Variants in CHRM3 observed in about 807,000 individuals in gnomAD.
The protein encoded by CHRM3 is muscarinic acetylcholine receptor M3.
A neutral mutation model predicts 41.8 loss-of-function variants in CHRM3; 11 were observed. The observed-to-expected ratio is 0.26, with a 90% CI of 0.17 to 0.44. CHRM3 has a LOEUF of 0.44. CHRM3 is among the 20% of genes least tolerant of loss of function. The pLI is 1.00. For missense variants in CHRM3, 571 were observed against 745.4 expected (o/e 0.77, Z 2.72); for synonymous variants, 297 against 301.4 (o/e 0.99, Z 0.15).
At chr1:239,594,203 C>A (rs1664529787) in intron 3 of CHRM3, among the ~76,000 whole-genome samples, 1 of 152,186 alleles carries the variant, frequency 6.6e-6, no homozygotes, top group African/African-American at 2.4e-5. Context: ...AGTAAGAGAA[C>A]AAAGCTGCAT....
chr1:239,849,468 C>T (rs1331631693), intron 6 of CHRM3, among the ~76,000 whole-genome samples: 1 of 152,138 alleles, frequency 6.6e-6, no homozygotes, highest in East Asian at 1.9e-4. Flanking sequence ...TCTTTGAATA[C>T]TAGAAACATT....
At chr1:239,786,114 A>G (rs550259621) in intron 5 of CHRM3, among the ~76,000 whole-genome samples, 1 of 152,094 alleles carries the variant, frequency 6.6e-6, no homozygotes, top group Non-Finnish European at 1.5e-5. Flanking sequence ...TTTTATTTCT[A>G]TTTCCTCTAC....
chr1:239,774,454 G>T (rs556624198), intron 5 of CHRM3, among the ~76,000 whole-genome samples: 43 of 152,232 alleles, frequency 2.8e-4, no homozygotes, highest in Non-Finnish European at 4.0e-4. Flanking sequence ...GGAAAAGAAA[G>T]ATTTTTATAA....
At chr1:239,541,061 A>G (rs894270769) in intron 2 of CHRM3, among the ~76,000 whole-genome samples, 27 of 152,130 alleles carry the variant, frequency 1.8e-4, no homozygotes, top group African/African-American at 6.3e-4. Flanking sequence ...TTATTTTCTT[A>G]TAATTATAAT....
chr1:239,805,505 A>G (rs1670564165), intron 5 of CHRM3, among the ~76,000 whole-genome samples: 1 of 152,166 alleles, frequency 6.6e-6, no homozygotes, highest in Non-Finnish European at 1.5e-5. Context: ...GGAAGAGGGG[A>G]CAATAGAAGT....
chr1:239,751,396 G>A (rs949912429), intron 5 of CHRM3, among the ~76,000 whole-genome samples: 4 of 152,158 alleles, frequency 2.6e-5, no homozygotes, highest in East Asian at 1.9e-4. Context: ...GGGAAAATAC[G>A]AGCAAAATTT....
chr1:239,776,289 A>G (rs148450366), intron 5 of CHRM3, among the ~76,000 whole-genome samples: 2,341 of 152,338 alleles, frequency 0.015, 20 homozygotes, highest in Non-Finnish European at 0.024. Context: ...TAATACAATA[A>G]GTGCCTTATA....
At chr1:239,573,198 G>T (rs1293571291) in intron 3 of CHRM3, among the ~76,000 whole-genome samples, 1 of 151,904 alleles carries the variant, frequency 6.6e-6, no homozygotes, top group Non-Finnish European at 1.5e-5. Flanking sequence ...TGCAACTTTG[G>T]CTGTCACTTT....
At chr1:239,738,151 T>C (rs1251253514) in intron 5 of CHRM3, among the ~76,000 whole-genome samples, 1 of 152,184 alleles carries the variant, frequency 6.6e-6, no homozygotes, top group African/African-American at 2.4e-5. Flanking sequence ...CTATGGCAGG[T>C]TTGCAGTGAA....
At chr1:239,452,348 A>T (rs767594562) in intron 1 of CHRM3, among the ~76,000 whole-genome samples, 4 of 152,206 alleles carry the variant, frequency 2.6e-5, no homozygotes, top group Non-Finnish European at 5.9e-5. Flanking sequence ...TACAGCAATA[A>T]GTGGCTGGTG....
chr1:239,643,431 C>T (rs1000014114), intron 4 of CHRM3, among the ~76,000 whole-genome samples: 2 of 152,198 alleles, frequency 1.3e-5, no homozygotes, highest in Non-Finnish European at 2.9e-5. Flanking sequence ...CCAGTTCGAG[C>T]TTCCCAGCTG....
intron 5 of CHRM3, among the ~76,000 whole-genome samples, chr1:239,759,151 T>C (rs1666485751): frequency 6.7e-6 from 1 of 149,948 alleles, no homozygotes; most frequent in South Asian, 2.1e-4. Context: ...CCCCTGAGCT[T>C]TATGGGTTTT....
chr1:239,436,131 G>A (rs918457675), intron 1 of CHRM3, among the ~76,000 whole-genome samples: 3 of 152,192 alleles, frequency 2.0e-5, no homozygotes, highest in South Asian at 2.1e-4. Context: ...TCATGGGTGC[G>A]TAAGAGGGAG....
chr1:239,825,078 G>A (rs1672347082), intron 5 of CHRM3, among the ~76,000 whole-genome samples: 1 of 152,218 alleles, frequency 6.6e-6, no homozygotes, highest in African/African-American at 2.4e-5. Flanking sequence ...GGTGGGCCAA[G>A]CAATTTCTTC....
chr1:239,586,357 G>T (rs1663398362), intron 3 of CHRM3, among the ~76,000 whole-genome samples: 1 of 152,032 alleles, frequency 6.6e-6, no homozygotes, highest in Non-Finnish European at 1.5e-5. Context: ...AGCTGTAAAG[G>T]TCTTTATGTG....
At chr1:239,525,669 A>G (rs1255727509) in intron 2 of CHRM3, among the ~76,000 whole-genome samples, 1 of 152,210 alleles carries the variant, frequency 6.6e-6, no homozygotes, top group Non-Finnish European at 1.5e-5. Context: ...ACCATTTTAT[A>G]TAACAGCTTA....
intron 5 of CHRM3, among the ~76,000 whole-genome samples, chr1:239,700,832 T>C (rs1367528235): frequency 6.6e-6 from 1 of 152,110 alleles, no homozygotes; most frequent in Non-Finnish European, 1.5e-5. Flanking sequence ...AGTGTTCCAG[T>C]TTGTAATTTG....
At chr1:239,563,938 G>T (rs921973410) in intron 3 of CHRM3, among the ~76,000 whole-genome samples, 3 of 152,130 alleles carry the variant, frequency 2.0e-5, no homozygotes, top group African/African-American at 7.2e-5. Flanking sequence ...ATAAGGACAG[G>T]AAATGGTTCA....
chr1:239,844,992 A>G (rs1419281936), intron 6 of CHRM3, among the ~76,000 whole-genome samples: 1 of 152,240 alleles, frequency 6.6e-6, no homozygotes, highest in African/African-American at 2.4e-5. Context: ...TCCAACTGCC[A>G]GATGGAAGCA....
Sources: gnomAD v4.1 joint callset for allele counts (sites outside exome capture counted in the v4.1 genomes callset) on GRCh38, gnomAD v4.1.1 for gene constraint, MANE v1.5 for transcripts, NCBI Gene and HGNC (gene_info 2026-07-23, HGNC 2026-07-21) for gene names.